Variants in SLC60A2 observed in about 807,000 individuals in gnomAD.
SLC60A2 encodes solute carrier family 60 member 2.
the SLC60A2 span, among the ~76,000 whole-genome samples, chr6:111,272,613 G>A: frequency 6.7e-6 from 1 of 150,290 alleles, no homozygotes; most frequent in Non-Finnish European, 1.5e-5. Flanking sequence ...CCAGGTTCAA[G>A]CCATTCTCAT....
At chr6:111,273,795 G>A in the SLC60A2 span, among the ~76,000 whole-genome samples, 8 of 152,094 alleles carry the variant, frequency 5.3e-5, no homozygotes, top group South Asian at 1.7e-3. Flanking sequence ...GCACAATTAC[G>A]GCTCACTGTA....
the SLC60A2 span, chr6:111,270,333 G>A: frequency 6.6e-6 from 1 of 152,138 alleles, no homozygotes; most frequent in Non-Finnish European, 1.5e-5. Flanking sequence ...GATCACCTTA[G>A]AGCATGCCTG....
the SLC60A2 span, chr6:111,268,072 A>C: frequency 6.6e-6 from 1 of 152,194 alleles, no homozygotes; most frequent in African/African-American, 2.4e-5. Flanking sequence ...GGGAATCTGT[A>C]AGTTTTAAAG....
the SLC60A2 span, among the ~76,000 whole-genome samples, chr6:111,272,938 C>T: frequency 1.3e-5 from 2 of 152,000 alleles, no homozygotes; most frequent in Non-Finnish European, 1.5e-5. Context: ...TCAAGCGATT[C>T]TCCTGCCTCA....
the SLC60A2 span, chr6:111,262,318 A>G: frequency 6.2e-7 from 1 of 1,614,190 alleles, no homozygotes; most frequent in Non-Finnish European, 8.5e-7. Flanking sequence ...GTGAACCGAA[A>G]TATCAGTAGT....
At chr6:111,267,477 A>G in the SLC60A2 span, 1 of 171,984 alleles carries the variant, frequency 5.8e-6, no homozygotes. Flanking sequence ...TGGTTGAACA[A>G]ATTATCAGGT....
chr6:111,266,482 C>G, the SLC60A2 span: 1 of 1,614,076 alleles, frequency 6.2e-7, no homozygotes, highest in African/African-American at 1.3e-5. Flanking sequence ...GGCAGCCTGA[C>G]TTCATCTTTA....
At chr6:111,262,542 AG>A in the SLC60A2 span, 1 of 916,294 alleles carries the variant, frequency 1.1e-6, no homozygotes. Context: ...GGTAGTGTTT[AG>A]GTGTCCTCAA....
chr6:111,264,565 G>A, the SLC60A2 span, among the ~76,000 whole-genome samples: 34 of 152,188 alleles, frequency 2.2e-4, no homozygotes, highest in African/African-American at 7.9e-4. Flanking sequence ...GAGATGGGTG[G>A]ATCACGAGGT....
At chr6:111,265,870 C>T in the SLC60A2 span, 6 of 1,565,606 alleles carry the variant, frequency 3.8e-6, no homozygotes, top group African/African-American at 1.4e-5. Context: ...CATCTTTCAT[C>T]GACAGGTGGT....
chr6:111,279,801 G>T, the SLC60A2 span, among the ~76,000 whole-genome samples: 52 of 152,246 alleles, frequency 3.4e-4, no homozygotes, highest in Admixed American at 8.5e-4. Context: ...TAGGCTGGGC[G>T]TGGTGGCTCA....
chr6:111,272,497 C>G, the SLC60A2 span, among the ~76,000 whole-genome samples: 1 of 144,750 alleles, frequency 6.9e-6, no homozygotes, highest in Non-Finnish European at 1.5e-5. Flanking sequence ...AGAACTTCTT[C>G]CTTCTAACTG....
chr6:111,266,961 A>T, the SLC60A2 span: 1 of 1,614,232 alleles, frequency 6.2e-7, no homozygotes, highest in African/African-American at 1.3e-5. Context: ...GAGGCATTCT[A>T]TAATAGAGAC....
chr6:111,279,919 A>T, the SLC60A2 span, among the ~76,000 whole-genome samples: 24 of 152,308 alleles, frequency 1.6e-4, no homozygotes, highest in African/African-American at 5.8e-4. Flanking sequence ...GTGAGACTCC[A>T]TCTCAAACAA....
chr6:111,274,266 G>A, the SLC60A2 span, among the ~76,000 whole-genome samples: 1 of 152,060 alleles, frequency 6.6e-6, no homozygotes, highest in East Asian at 1.9e-4. Flanking sequence ...GATTTTCTTT[G>A]TCTCTTTTTA....
chr6:111,267,119 G>C, the SLC60A2 span: 16 of 1,597,626 alleles, frequency 1.0e-5, no homozygotes, highest in Non-Finnish European at 1.4e-5. Flanking sequence ...CTAACGTTTA[G>C]AGAAGATGGA....
chr6:111,261,278 G>A, the SLC60A2 span, among the ~76,000 whole-genome samples: 1 of 152,122 alleles, frequency 6.6e-6, no homozygotes, highest in African/African-American at 2.4e-5. Context: ...CAGAAATATT[G>A]CTGTTTAACA....
At chr6:111,266,026 A>G in the SLC60A2 span, 1 of 1,614,146 alleles carries the variant, frequency 6.2e-7, no homozygotes, top group East Asian at 2.2e-5. Flanking sequence ...AACCACACAG[A>G]GTCTGACTTC....
chr6:111,261,752 C>T, the SLC60A2 span, among the ~76,000 whole-genome samples: 2 of 152,078 alleles, frequency 1.3e-5, no homozygotes, highest in African/African-American at 4.8e-5. Flanking sequence ...CACCACCATG[C>T]CCAGCTAATT....
Sources: gnomAD v4.1 joint callset for allele counts (sites outside exome capture counted in the v4.1 genomes callset) on GRCh38, gnomAD v4.1.1 for gene constraint, MANE v1.5 for transcripts, NCBI Gene and HGNC (gene_info 2026-07-23, HGNC 2026-07-21) for gene names.